Variants in DNAJB6 observed in about 807,000 individuals in gnomAD.
DNAJB6 encodes the protein dnaJ homolog subfamily B member 6.
In DNAJB6, 16 loss-of-function variants were observed where a neutral mutation model predicts 42.7. The observed-to-expected ratio is 0.37, with a 90% CI of 0.25 to 0.57. DNAJB6 has a LOEUF of 0.57. DNAJB6 is among the 20% of genes least tolerant of loss of function. DNAJB6 has a pLI of 0.74. For missense variants in DNAJB6, 347 were observed against 416.8 expected, an observed-to-expected ratio of 0.83 and a Z score of 1.46; for synonymous variants, 170 against 163.5, an observed-to-expected ratio of 1.04 and a Z score of -0.30.
At chr7:157,364,161 C>T (rs1239080279) in intron 3 of DNAJB6, among the ~76,000 whole-genome samples, 2 of 151,546 alleles carry the variant, frequency 1.3e-5, no homozygotes, top group Admixed American at 6.6e-5. Flanking sequence ...GCCGAGATTG[C>T]GCCACTGCAC....
chr7:157,416,393 CT>C lies in DNAJB6; in HGVS notation c.*296del. The C allele has an allele frequency of 2.6e-6, 1 of 391,488 alleles. No homozygotes were observed. Among genetic ancestry groups the C allele is most frequent in the Non-Finnish European group, 4.7e-6 (1 of 212,054 alleles). The allele number at this position is 391,488 out of a possible 1,614,324, so 24.3% of individuals were successfully genotyped here. On this transcript the variant is annotated 3_prime_UTR_variant, in exon 10 of 10. Coordinates refer to ENST00000262177, the MANE Select transcript of DNAJB6 (RefSeq NM_058246.4). The stretch of plus-strand genomic sequence containing the variant: ...GGATCCTCTTCATTCTTTTCGGCTA[CT>C]CAACCACTCCGCATGCTGCTGGAAT...
At chr7:157,389,845 C>T (rs1480958690) in intron 8 of DNAJB6, among the ~76,000 whole-genome samples, 2 of 152,210 alleles carry the variant, frequency 1.3e-5, no homozygotes, top group African/African-American at 2.4e-5. Context: ...TCAGTATTTG[C>T]TGCCTTTTGT....
Position 157,384,291 on chromosome 7 carries a change from G to C in DNAJB6, c.479-576G>C, listed in dbSNP as rs527868821. 2.6e-5 allele frequency among the ~76,000 whole-genome samples: 4 copies of C among 152,298 alleles called. No homozygotes were observed. In the East Asian group the frequency reaches 7.7e-4, roughly 29 times the overall value. On this transcript the variant is annotated intron_variant, in intron 6 of 9. Transcript: ENST00000262177. ...TTGTATTCTTTCTGCAATTATTTTA[G>C]TTTTTTAATAATTTAGATTCTTATC...
chr7:157,405,474 T>A (rs899289199), intron 8 of DNAJB6, among the ~76,000 whole-genome samples: 1 of 152,186 alleles, frequency 6.6e-6, no homozygotes, highest in African/African-American at 2.4e-5. Flanking sequence ...TCGTGGTGAC[T>A]GGGAGGCGAA....
chr7:157,369,529 G>C, intron 5 of DNAJB6: 1 of 387,206 alleles, frequency 2.6e-6, no homozygotes, highest in Non-Finnish European at 5.1e-6. Flanking sequence ...AACAGGCCCT[G>C]CTTAACATTA....
At chr7:157,394,917 CTG>C (rs1801511086) in intron 8 of DNAJB6, among the ~76,000 whole-genome samples, 1 of 152,304 alleles carries the variant, frequency 6.6e-6, no homozygotes, top group African/African-American at 2.4e-5. Context: ...TGGTGAGACT[CTG>C]TCTCCACAAA....
chr7:157,376,508 T>G (rs1234666866), intron 5 of DNAJB6, among the ~76,000 whole-genome samples: 1 of 152,198 alleles, frequency 6.6e-6, no homozygotes, highest in African/African-American at 2.4e-5. Context: ...CAAATATAAG[T>G]GACCATGCTG....
chr7:157,346,719 A>G (rs956280166), intron 1 of DNAJB6, among the ~76,000 whole-genome samples: 1 of 152,264 alleles, frequency 6.6e-6, no homozygotes, highest in Admixed American at 6.5e-5. Flanking sequence ...TGTGTCTTAC[A>G]TCAGTGATGA....
chr7:157,384,215 T>C (rs1800935401), intron 6 of DNAJB6, among the ~76,000 whole-genome samples: 2 of 152,226 alleles, frequency 1.3e-5, no homozygotes, highest in African/African-American at 2.4e-5. Flanking sequence ...TAATGTATAA[T>C]TGAGAATGGT....
At chr7:157,383,216 C>T (rs1263515542) in intron 6 of DNAJB6, among the ~76,000 whole-genome samples, 1 of 152,038 alleles carries the variant, frequency 6.6e-6, no homozygotes, top group Non-Finnish European at 1.5e-5. Flanking sequence ...TCGTGTTGGC[C>T]AGGCTGGTGT....
At chr7:157,394,144 G>A (rs1437740051) in intron 8 of DNAJB6, among the ~76,000 whole-genome samples, 1 of 152,152 alleles carries the variant, frequency 6.6e-6, no homozygotes, top group African/African-American at 2.4e-5. Context: ...TTCATAAATA[G>A]GAATGTTAAG....
chr7:157,401,038 G>A (rs538792296), intron 8 of DNAJB6, among the ~76,000 whole-genome samples: 3 of 152,060 alleles, frequency 2.0e-5, no homozygotes, highest in South Asian at 2.1e-4. Context: ...CTGCTTTGCC[G>A]AAGCCCCGGG....
In DNAJB6 at chr7:157,379,167, G is replaced by T. The variant is rs536920764; in HGVS notation, c.347-3079G>T. 166 of 152,276 alleles carry T rather than the reference G, an allele frequency of 1.1e-3. 1 individual carries two copies. Among genetic ancestry groups the T allele is most frequent in the African/African-American group, 3.9e-3 (162 of 41,564 alleles). The allele number at this position is 152,276 out of a possible 1,614,324, so 9.4% of individuals were successfully genotyped here. A position where few individuals can be genotyped will look rare whatever the true frequency, so the allele number is the denominator to read the frequency against. On this transcript the variant is annotated intron_variant, in intron 5 of 9. Transcript: ENST00000262177. ...TTTTGAGGTAGCTTCTGTAGATGATGATATAATTATGAATGTCATTGTCTT... is the reference window on the plus strand; with the variant it reads ...TTTTGAGGTAGCTTCTGTAGATGATTATATAATTATGAATGTCATTGTCTT...
chr7:157,385,526 A>G lies in DNAJB6; in HGVS notation c.621-15A>G. 6.2e-7 allele frequency: 1 copy of G among 1,609,338 alleles called. No homozygotes were observed. The highest frequency in any genetic ancestry group is 8.5e-7 in the Non-Finnish European group (1 of 1,178,662). Reference sequence around the variant, plus strand: ...CTTTACCAGAAAGGTTTTTAAATGAATTTTTTTCCTACAGAATTGTCGAGA... The same window carrying G: ...CTTTACCAGAAAGGTTTTTAAATGAGTTTTTTTCCTACAGAATTGTCGAGA... On this transcript the variant is annotated splice_polypyrimidine_tract_variant and intron_variant, in intron 7 of 9. Coordinates refer to ENST00000262177, the MANE Select transcript of DNAJB6 (RefSeq NM_058246.4).
At chr7:157,397,208 A>G (rs368432001) in intron 8 of DNAJB6, among the ~76,000 whole-genome samples, 1 of 152,288 alleles carries the variant, frequency 6.6e-6, no homozygotes, top group East Asian at 1.9e-4. Context: ...CTTCCTGGGA[A>G]GTTGCTAAGC....
At chr7:157,370,823 C>T (rs1800171891) in intron 5 of DNAJB6, 4 of 152,680 alleles carry the variant, frequency 2.6e-5, no homozygotes, top group Admixed American at 2.6e-4. Flanking sequence ...GAAGCTGCTG[C>T]TCCATGGCTG....
At chr7:157,396,505 A>C (rs991128644) in intron 8 of DNAJB6, among the ~76,000 whole-genome samples, 2 of 152,188 alleles carry the variant, frequency 1.3e-5, no homozygotes, top group Non-Finnish European at 2.9e-5. Flanking sequence ...ACCCAGCACC[A>C]TGCTGTCAGC....
chr7:157,353,906 C>T (rs1167733934), intron 1 of DNAJB6, among the ~76,000 whole-genome samples: 1 of 152,136 alleles, frequency 6.6e-6, no homozygotes, highest in African/African-American at 2.4e-5. Context: ...TCAAGCAGTC[C>T]TCCTGCCTTG....
chr7:157,338,203 G>A (rs1383255319), intron 1 of DNAJB6, among the ~76,000 whole-genome samples: 1 of 152,184 alleles, frequency 6.6e-6, no homozygotes, highest in African/African-American at 2.4e-5. Context: ...GCTGCTTCGT[G>A]TTTAACCGCA....
Sources: allele counts gnomAD v4.1 joint callset (sites outside exome capture counted in the v4.1 genomes callset), GRCh38; gene constraint gnomAD v4.1.1; transcripts MANE v1.5; gene names NCBI Gene and HGNC (gene_info 2026-07-23, HGNC 2026-07-21).